Variants in RNF32 observed in about 807,000 individuals in gnomAD.
RNF32 encodes the protein ring finger protein 32.
In RNF32, 36 loss-of-function variants were observed where a neutral mutation model predicts 41.0. The observed-to-expected ratio is 0.88, with a 90% CI of 0.67 to 1.16. RNF32 has a LOEUF of 1.16. Among genes scored for constraint, RNF32 ranks in the 50% most tolerant of loss-of-function variants. The probability of loss-of-function intolerance (pLI) is 0.00; values close to 1 mark genes in which losing one functional copy is unlikely to be tolerated. For synonymous variants in RNF32, 154 were observed against 160.9 expected (o/e 0.96, Z 0.32); for missense variants, 413 against 436.7 (o/e 0.95, Z 0.48).
At chr7:156,642,667 C>A (rs1474882548) in intron 1 of RNF32, among the ~76,000 whole-genome samples, 2 of 152,200 alleles carry the variant, frequency 1.3e-5, no homozygotes, top group Admixed American at 1.3e-4. Context: ...AGCTCAGGAC[C>A]AAGGCGGGCA....
chr7:156,675,307 C>T (rs1803610072), intron 7 of RNF32, among the ~76,000 whole-genome samples: 1 of 152,234 alleles, frequency 6.6e-6, no homozygotes, highest in Admixed American at 6.5e-5. Flanking sequence ...CGGCTCCCTC[C>T]GTCTTTGGAG....
intron 5 of RNF32, 50 bp downstream of exon 5, chr7:156,657,623 A>G: frequency 6.4e-7 from 1 of 1,559,120 alleles, no homozygotes; most frequent in Non-Finnish European, 8.9e-7. Context: ...TCGCTCTCAC[A>G]GTGCAGAGAA....
chr7:156,642,142 A>G (rs953772618), intron 1 of RNF32, among the ~76,000 whole-genome samples: 1 of 152,192 alleles, frequency 6.6e-6, no homozygotes, highest in African/African-American at 2.4e-5. Context: ...CAACACAGTA[A>G]GTCTTCACTT....
At chr7:156,662,867 A>C (rs1439020379) in intron 7 of RNF32, among the ~76,000 whole-genome samples, 1 of 120,646 alleles carries the variant, frequency 8.3e-6, no homozygotes, top group Non-Finnish European at 1.7e-5. Flanking sequence ...TTTTTTTTTG[A>C]GGCACAGTCT....
intron 4 of RNF32, 86 bp downstream of exon 4, chr7:156,654,804 T>A: frequency 7.6e-7 from 1 of 1,310,620 alleles, no homozygotes; most frequent in East Asian, 2.3e-5. Flanking sequence ...GATTCCAAGC[T>A]TCCTTTTTCC....
At chr7:156,660,083 C>G (rs1800391337) in intron 7 of RNF32, 1 of 985,758 alleles carries the variant, frequency 1.0e-6, no homozygotes, top group African/African-American at 1.7e-5. Flanking sequence ...TTGGTTCATC[C>G]CAACTGCTGC....
At chr7:156,664,244 G>A (rs868582658) in intron 7 of RNF32, among the ~76,000 whole-genome samples, 2 of 151,968 alleles carry the variant, frequency 1.3e-5, no homozygotes, top group Non-Finnish European at 2.9e-5. Flanking sequence ...GGGGCATCAC[G>A]TGAGGTCGGG....
At chr7:156,674,545 A>C (rs903206915) in intron 7 of RNF32, among the ~76,000 whole-genome samples, 1 of 152,128 alleles carries the variant, frequency 6.6e-6, no homozygotes, top group African/African-American at 2.4e-5. Flanking sequence ...CTCAGATGAC[A>C]CTGGTGGCCA....
intron 6 of RNF32, 84 bp downstream of exon 6, chr7:156,658,336 ATC>A (rs1176371132): frequency 1.3e-6 from 2 of 1,580,878 alleles, no homozygotes; most frequent in East Asian, 2.2e-5. Flanking sequence ...GTGGGATTTT[ATC>A]TCTCTTCTTG....
intron 7 of RNF32, 121 bp from the exon 8 acceptor site, chr7:156,675,575 A>T (rs1378726518): frequency 1.3e-6 from 1 of 747,472 alleles, no homozygotes; most frequent in Non-Finnish European, 2.3e-6. Flanking sequence ...TTCCCTAAAA[A>T]GTATTATTCG....
Position 156,654,716 on chromosome 7 carries a change from CA to C in RNF32, c.416del (p.Gln139ArgfsTer39), listed in dbSNP as rs770310020. On this transcript the variant is annotated frameshift_variant and splice_region_variant, in exon 4 of 9. Coordinates refer to ENST00000317955, the MANE Select transcript of RNF32 (RefSeq NM_030936.4). LOFTEE classifies it high-confidence loss of function. ...ICKEEFELRP[Q>X]VLLSCSHVFH... is the part of the protein sequence containing the mutation. Reference sequence around the variant, plus strand: ...TAAAGAAGAATTCGAGCTTCGTCCTCAGGTGTTTAGCATACGAGGGTGAGCT... The same window carrying C: ...TAAAGAAGAATTCGAGCTTCGTCCTCGGTGTTTAGCATACGAGGGTGAGCT... The C allele has an allele frequency of 1.5e-4, 246 of 1,613,730 alleles. No homozygotes were observed. Among genetic ancestry groups the C allele is most frequent in the Non-Finnish European group, 1.9e-4 (229 of 1,179,752 alleles).
chr7:156,665,843 AAAC>A (rs1325657410), intron 7 of RNF32, among the ~76,000 whole-genome samples: 1 of 152,228 alleles, frequency 6.6e-6, no homozygotes, highest in Non-Finnish European at 1.5e-5. Context: ...GGAAAAAACA[AAAC>A]ACCACGTACC....
chr7:156,672,955 T>C (rs771023234), intron 7 of RNF32, among the ~76,000 whole-genome samples: 2 of 152,254 alleles, frequency 1.3e-5, no homozygotes, highest in Non-Finnish European at 2.9e-5. Context: ...CTGTAAAGCA[T>C]ATCGCAGGGC....
At chr7:156,649,108 T>C (rs558804260) in intron 3 of RNF32, among the ~76,000 whole-genome samples, 2 of 152,322 alleles carry the variant, frequency 1.3e-5, no homozygotes, top group Non-Finnish European at 2.9e-5. Flanking sequence ...TTTTGATTAA[T>C]AGAGTCTTGC....
intron 7 of RNF32, among the ~76,000 whole-genome samples, chr7:156,666,702 G>A (rs892109898): frequency 2.6e-5 from 4 of 152,178 alleles, no homozygotes; most frequent in Non-Finnish European, 5.9e-5. Flanking sequence ...GCAGATCAAA[G>A]AGGCCTGGAA....
At chr7:156,665,226 C>T (rs748811597) in intron 7 of RNF32, among the ~76,000 whole-genome samples, 8 of 152,184 alleles carry the variant, frequency 5.3e-5, no homozygotes, top group Non-Finnish European at 1.0e-4. Context: ...ATGACTTTAT[C>T]AAGGCCCCTC....
At chr7:156,660,309 A>T (rs1215848810) in intron 7 of RNF32, 2 of 982,324 alleles carry the variant, frequency 2.0e-6, no homozygotes, top group Non-Finnish European at 2.4e-6. Flanking sequence ...AAACAACACC[A>T]TCTAAGAGAT....
intron 7 of RNF32, among the ~76,000 whole-genome samples, chr7:156,671,470 A>G (rs1802494165): frequency 1.3e-5 from 2 of 152,228 alleles, no homozygotes; most frequent in African/African-American, 2.4e-5. Context: ...AGAACACCAC[A>G]CCGAGCAACG....
intron 7 of RNF32, 23 bp from the exon 8 acceptor site, chr7:156,675,673 A>C (rs1585136030): frequency 2.9e-6 from 4 of 1,395,294 alleles, no homozygotes; most frequent in South Asian, 1.2e-5. Context: ...GTGTGAGCTT[A>C]CCCGCCCCCG....
Sources: allele counts gnomAD v4.1 joint callset (sites outside exome capture counted in the v4.1 genomes callset), GRCh38; gene constraint gnomAD v4.1.1; transcripts MANE v1.5; gene names NCBI Gene and HGNC (gene_info 2026-07-23, HGNC 2026-07-21).